CDHR5: variants seen among roughly 807,000 people sequenced by gnomAD.
CDHR5 encodes the protein cadherin related family member 5, also known as cadherin-related family member 5.
Under a neutral mutation model 69.5 loss-of-function variants are expected in CDHR5, and 82 were observed. The observed-to-expected ratio is 1.18, with a 90% CI of 0.99 to 1.42. CDHR5 has a LOEUF of 1.42. Ranked by LOEUF, CDHR5 falls within the 40% of genes most tolerant of loss-of-function variation. The probability of loss-of-function intolerance (pLI) is 0.00; values close to 1 mark genes in which losing one functional copy is unlikely to be tolerated. For synonymous variants in CDHR5, 601 were observed against 510.2 expected, an observed-to-expected ratio of 1.18 and a Z score of -2.40; for missense variants, 1,293 against 1,168.9, an observed-to-expected ratio of 1.11 and a Z score of -1.55.
chr11:619,867 G>A lies in CDHR5; in HGVS notation c.993C>T (p.Asp331=), dbSNP rs1178429849. The change falls in exon 10 of 15, where the codon GAC becomes GAT. Residue 331 remains aspartate (D), a synonymous_variant. Coordinates refer to ENST00000397542, the MANE Select transcript of CDHR5 (RefSeq NM_021924.5). The part of the protein sequence containing the change: ...FLLLVKGQQA[D]LARYSVTQVT... ...CCTGGGTCACTGAGTAGCGGGCAAGGTCGGCCTGTTGGCCCTGGAGGCGGG... is the reference window on the plus strand; with the variant it reads ...CCTGGGTCACTGAGTAGCGGGCAAGATCGGCCTGTTGGCCCTGGAGGCGGG... The A allele has an allele frequency of 6.5e-7, 1 of 1,549,444 alleles. No individual in the cohort carries two copies. Among genetic ancestry groups the A allele is most frequent in the Non-Finnish European group, 8.7e-7 (1 of 1,151,024 alleles).
Position 616,957 on chromosome 11 carries a change from C to CT in CDHR5, c.*393_*394insA. On this transcript the variant is annotated 3_prime_UTR_variant, in exon 15 of 15. Transcript: ENST00000397542. ...GGCAATCTCTGTGTAGGGTCGGGAG[C>CT]GGGAGGTCTGAGATGAGCCGGGTGC... 9.0e-6 allele frequency: 2 copies of CT among 221,716 alleles called. No individual in the cohort carries two copies. Among genetic ancestry groups the CT allele is most frequent in the Non-Finnish European group, 1.8e-5 (2 of 111,118 alleles). The allele number at this position is 221,716 out of a possible 1,614,324, so 13.7% of individuals were successfully genotyped here.
In CDHR5 at chr11:617,284, G is replaced by T; in HGVS notation, c.*67C>A. ...CGGGAGCCTTGCTTTATTCTGCCTCGGGTCGGAGGCTGGGGGAGCGAGACC... is the reference window on the plus strand; with the variant it reads ...CGGGAGCCTTGCTTTATTCTGCCTCTGGTCGGAGGCTGGGGGAGCGAGACC... On this transcript the variant is annotated 3_prime_UTR_variant, in exon 15 of 15. Coordinates refer to ENST00000397542, the MANE Select transcript of CDHR5 (RefSeq NM_021924.5). 6 of 1,276,416 alleles carry T rather than the reference G, an allele frequency of 4.7e-6. No individual in the cohort carries two copies. Among genetic ancestry groups the T allele is most frequent in the Non-Finnish European group, 6.6e-6 (6 of 911,138 alleles). 79.1% of individuals were successfully genotyped at this position (1,276,416 alleles called of 1,614,324 possible).
At position 621,577 on chromosome 11, in the gene CDHR5, G is replaced by C. The variant is rs772557321; in HGVS notation, c.492C>G (p.Leu164=). 9 of 1,613,424 alleles carry C rather than the reference G, an allele frequency of 5.6e-6. No individual in the cohort carries two copies. The highest frequency in any genetic ancestry group is 7.6e-6 in the Non-Finnish European group (9 of 1,179,548). Residue 164 remains leucine (L), a synonymous_variant, in exon 5 of 15, where the codon CTC becomes CTG. Coordinates refer to ENST00000397542, the MANE Select transcript of CDHR5 (RefSeq NM_021924.5). The surrounding 1 kb of genome is among the most constrained non-coding windows in gnomAD (Gnocchi z 4.4). ...RDKDDILFYT[L]QEMTAGASDY... ...CGGCACTGACTGCTGTCATTTCCTGGAGGGTGTAGAACAGAATGTCGTCCT... is the reference window on the plus strand; with the variant it reads ...CGGCACTGACTGCTGTCATTTCCTGCAGGGTGTAGAACAGAATGTCGTCCT...
At chr11:623,756 C>T (rs1046503939) in intron 3 of CDHR5, among the ~76,000 whole-genome samples, 4 of 152,038 alleles carry the variant, frequency 2.6e-5, no homozygotes, top group Non-Finnish European at 4.4e-5. Context: ...ACAGGGAAGC[C>T]GGTGGGCCAG....
chr11:619,603 T>C lies in CDHR5; in HGVS notation c.1180-16A>G. 1 of 1,605,342 alleles carries C rather than the reference T, an allele frequency of 6.2e-7. No individual in the cohort carries two copies. Among genetic ancestry groups the C allele is most frequent in the Middle Eastern group, 1.7e-4 (1 of 6,036 alleles). On this transcript the variant is annotated splice_polypyrimidine_tract_variant and intron_variant, in intron 10 of 14. Coordinates refer to ENST00000397542, the MANE Select transcript of CDHR5 (RefSeq NM_021924.5). ...AGTTGAGGTCCTGGACAGGGTCTCA[T>C]TGAGTCCCCGGCCAGGCTGCCTCCC...
rs200005257 is a variant in CDHR5 at position 619,087 on chromosome 11, G to T, written c.1472C>A (p.Pro491His). ...VPRPPEPSQG[P>H]STTSSGGGTG... ...GCCTCCCCCAGAGCTGGTCGTGGAG[G>T]GTCCCTGGGAGGGCTCAGGGGGTCT... The change falls in exon 13 of 15, where the codon CCC (proline) becomes CAC (histidine). Residue 491 changes from proline to histidine, a missense_variant. Transcript: ENST00000397542. 8.9e-5 allele frequency: 144 copies of T among 1,611,534 alleles called. No individual in the cohort carries two copies. The Admixed American group carries it at 9.5e-4, about 11-fold the overall frequency.
Position 624,719 on chromosome 11 carries a change from G to A in CDHR5, c.99C>T (p.Asn33=). 6.2e-7 allele frequency: 1 copy of A among 1,609,148 alleles called. No individual in the cohort carries two copies. Among genetic ancestry groups the A allele is most frequent in the South Asian group, 1.1e-5 (1 of 90,580 alleles). Residue 33 remains asparagine (N), a synonymous_variant, in exon 2 of 15, where the codon AAC becomes AAT. Coordinates refer to ENST00000397542, the MANE Select transcript of CDHR5 (RefSeq NM_021924.5). The surrounding 1 kb of genome is among the most constrained non-coding windows in gnomAD (Gnocchi z 5.3). ...TMAQAQYCSV[N]KDIFEVEENT... is the part of the protein sequence containing the mutation. ...TCTCCTCTACTTCAAAGATGTCCTT[G>A]TTCACAGAGCAGTCTGTAAGGTTGC... is the stretch of plus-strand genomic sequence containing the variant.
chr11:618,030 A>C lies in CDHR5; in HGVS notation c.2042T>G (p.Leu681Arg). Residue 681 changes from leucine (L) to arginine (R), a missense_variant, in exon 14 of 15, where the codon CTG becomes CGG. Transcript: ENST00000397542. Reference sequence around the variant, plus strand: ...AAGGACGGCGAGGCCAAGGAGAGCCAGCAGCAGCAGCGCACCCAGCACCCC... The same window carrying C: ...AAGGACGGCGAGGCCAAGGAGAGCCCGCAGCAGCAGCGCACCCAGCACCCC... ...LGGVLGALLL[L>R]ALLGLAVLVH... 1 of 1,599,106 alleles carries C rather than the reference A, an allele frequency of 6.3e-7. No homozygotes were observed. Among genetic ancestry groups the C allele is most frequent in the Non-Finnish European group, 8.6e-7 (1 of 1,169,298 alleles).
rs1221488491 is a variant in CDHR5, at chr11:618,841, G to T, written c.1718C>A (p.Thr573Asn). ...CGGCTGAGAGGTTCCTGGCTCTGGGGTCTGTGCTGTGCCCCCACTGGGTGT... is the reference window on the plus strand; with the variant it reads ...CGGCTGAGAGGTTCCTGGCTCTGGGTTCTGTGCTGTGCCCCCACTGGGTGT... ...PATPSGGTAQTPEPGTSQPMP... is the reference protein window; with the variant it reads ...PATPSGGTAQNPEPGTSQPMP... Residue 573 changes from threonine to asparagine, a missense_variant, in exon 13 of 15, where the codon ACC becomes AAC. By Grantham distance (65) the Thr-to-Asn change is moderately conservative (BLOSUM62 0). Coordinates refer to ENST00000397542, the MANE Select transcript of CDHR5 (RefSeq NM_021924.5). 10 of 1,611,336 alleles carry T rather than the reference G, an allele frequency of 6.2e-6. No individual in the cohort carries two copies. Among genetic ancestry groups the T allele is most frequent in the Non-Finnish European group, 8.5e-6 (10 of 1,179,300 alleles).
At position 617,100 on chromosome 11, in the gene CDHR5, G is replaced by T. The variant is rs1446784480; in HGVS notation, c.*251C>A. 1 of 537,008 alleles carries T rather than the reference G, an allele frequency of 1.9e-6. No individual in the cohort carries two copies. Among genetic ancestry groups the T allele is most frequent in the Non-Finnish European group, 3.3e-6 (1 of 303,896 alleles). The allele number at this position is 537,008 out of a possible 1,614,324, so 33.3% of individuals were successfully genotyped here. On this transcript the variant is annotated 3_prime_UTR_variant, in exon 15 of 15. Transcript: ENST00000397542. Reference sequence around the variant, plus strand: ...CTCGGGAAGGCGGCGGGCACTGCAGGTGGTTTACGGGAAGTGCTGCAGCCT... The same window carrying T: ...CTCGGGAAGGCGGCGGGCACTGCAGTTGGTTTACGGGAAGTGCTGCAGCCT...
At position 618,694 on chromosome 11, in the gene CDHR5, G is replaced by T. The variant is rs71469809; in HGVS notation, c.1865C>A (p.Ser622Tyr). The T allele has an allele frequency of 6.3e-7, 1 of 1,589,370 alleles. No homozygotes were observed. Among genetic ancestry groups the T allele is most frequent in the Non-Finnish European group, 8.6e-7 (1 of 1,167,000 alleles). Residue 622 changes from serine to tyrosine, a missense_variant, in exon 13 of 15, where the codon TCC becomes TAC. Ser to Tyr is a moderately radical substitution (Grantham distance 144). Transcript: ENST00000397542. ...CCCACCGGGTGTGGTTGGTTGGTGGGAGGTGCTGGTTCCCATACCGGGGGG... is the reference window on the plus strand; with the variant it reads ...CCCACCGGGTGTGGTTGGTTGGTGGTAGGTGCTGGTTCCCATACCGGGGGG... ...PMPPGMGTSTSHQPTTPGGGT... is the reference protein window; with the variant it reads ...PMPPGMGTSTYHQPTTPGGGT...
rs765921198 is a variant in CDHR5 at position 618,983 on chromosome 11, T to A, written c.1576A>T (p.Asn526Tyr). ...GTGGCTGGTTGGTGGGAGGTGCTGTTTTCTGCACCCGGGGGCCCCCCGGGT... is the reference window on the plus strand; with the variant it reads ...GTGGCTGGTTGGTGGGAGGTGCTGTATTCTGCACCCGGGGGCCCCCCGGGT... ...STPGGPPGAENSTSHQPATPG... is the reference protein window; with the variant it reads ...STPGGPPGAEYSTSHQPATPG... Residue 526 changes from asparagine to tyrosine, a missense_variant, in exon 13 of 15, where the codon AAC becomes TAC. Asn to Tyr is a moderately radical substitution (Grantham distance 143). Coordinates refer to ENST00000397542, the MANE Select transcript of CDHR5 (RefSeq NM_021924.5). 17 of 1,612,760 alleles carry A rather than the reference T, an allele frequency of 1.1e-5. No homozygotes were observed. In the East Asian group the frequency reaches 3.6e-4, roughly 34 times the overall value.
At chr11:617,908 C>G (rs769876358) in intron 14 of CDHR5, 46 bp downstream of exon 14, 1 of 1,592,038 alleles carries the variant, frequency 6.3e-7, no homozygotes, top group Admixed American at 1.8e-5. Context: ...CCCCGTCCCC[C>G]ACTTCCTGCC....
At chr11:619,285 C>CACCTGTGGAGGGGGGCTT (rs541192334) in intron 12 of CDHR5, 21 bp downstream of exon 12, 4 of 1,568,932 alleles carry the variant, frequency 2.5e-6, no homozygotes, top group Non-Finnish European at 3.5e-6. Flanking sequence ...CCTGGGGGCT[C>CACCTGTGGAGGGGGGCTT]ACCTGTGGAG....
At chr11:617,802 C>T (rs909932733) in intron 14 of CDHR5, 32 bp from the exon 15 acceptor site, 53 of 1,454,712 alleles carry the variant, frequency 3.6e-5, no homozygotes, top group African/African-American at 5.7e-5. Flanking sequence ...TCAGCGGGGT[C>T]CCTGGGTCTC....
intron 9 of CDHR5, 78 bp downstream of exon 9, chr11:619,989 G>GC (rs1310755128): frequency 8.7e-6 from 11 of 1,262,862 alleles, no homozygotes; most frequent in Admixed American, 2.5e-5. Flanking sequence ...CCCTGCCCCG[G>GC]CCCCCCAGCC....
At position 621,608 on chromosome 11, in the gene CDHR5, C is replaced by T. The variant is rs980805505; in HGVS notation, c.461G>A (p.Arg154His). The change falls in exon 5 of 15, where the codon CGC (arginine) becomes CAC (histidine). Residue 154 changes from arginine (R) to histidine (H), a missense_variant. Coordinates refer to ENST00000397542, the MANE Select transcript of CDHR5 (RefSeq NM_021924.5). This position sits in a 1 kb window ranked among gnomAD's most constrained non-coding sequence, Gnocchi z 4.4. The part of the protein sequence containing the change: ...IPETQLQAED[R>H]DKDDILFYTL... ...GTAGAACAGAATGTCGTCCTTGTCG[C>T]GGTCCTCAGCCTGCAGTTGCGTCTC... 9.9e-6 allele frequency: 16 copies of T among 1,613,486 alleles called. No individual in the cohort carries two copies. Among genetic ancestry groups the T allele is most frequent in the African/African-American group, 4.0e-5 (3 of 74,800 alleles).
chr11:618,613 C>T lies in CDHR5; in HGVS notation c.1946G>A (p.Ser649Asn), dbSNP rs751560584. The part of the protein sequence containing the change: ...GTSQPMPLSK[S>N]TPSSGGGPSE... ...GTGGGTGCTACCTGAAGATGGGGTG[C>T]TCTTGCTGAGGGGCATCGGCTGAGA... Residue 649 changes from serine (S) to asparagine (N), a missense_variant, in exon 13 of 15, where the codon AGC becomes AAC. Coordinates refer to ENST00000397542, the MANE Select transcript of CDHR5 (RefSeq NM_021924.5). The T allele has an allele frequency of 1.2e-6, 2 of 1,614,048 alleles. No individual in the cohort carries two copies. The highest frequency in any genetic ancestry group is 1.1e-5 in the South Asian group (1 of 91,080).
At chr11:623,485 G>A (rs1287305081) in intron 3 of CDHR5, among the ~76,000 whole-genome samples, 1 of 152,168 alleles carries the variant, frequency 6.6e-6, no homozygotes. Flanking sequence ...TCAAGAAGCA[G>A]GATGTTGGGG....
Sources: gnomAD v4.1 joint callset for allele counts (sites outside exome capture counted in the v4.1 genomes callset) on GRCh38, gnomAD v4.1.1 for gene constraint, Gnocchi (gnomAD v3.1) non-coding constraint, MANE v1.5 for transcripts, NCBI Gene and HGNC (gene_info 2026-07-23, HGNC 2026-07-21) for gene names.